PPARGC1A: variants seen among roughly 807,000 people sequenced by gnomAD.
PPARGC1A encodes PPARG coactivator 1 alpha.
A neutral mutation model predicts 88.7 loss-of-function variants in PPARGC1A; 25 were observed. The observed-to-expected ratio is 0.28, with a 90% CI of 0.21 to 0.39. PPARGC1A has a LOEUF of 0.39. PPARGC1A is among the 10% of genes least tolerant of loss of function. The pLI, the probability that PPARGC1A is intolerant of heterozygous loss-of-function variation, is 1.00. For missense variants in PPARGC1A, 880 were observed against 968.7 expected (o/e 0.91, Z 1.22); for synonymous variants, 363 against 355.6 (o/e 1.02, Z -0.24).
the PPARGC1A span, among the ~76,000 whole-genome samples, chr4:24,075,685 A>G: frequency 2.0e-5 from 3 of 152,188 alleles, no homozygotes; most frequent in East Asian, 5.8e-4. Context: ...ATGGTTTTAT[A>G]AAAGGGAATT....
At chr4:24,215,756 G>T in the PPARGC1A span, among the ~76,000 whole-genome samples, 2 of 152,136 alleles carry the variant, frequency 1.3e-5, no homozygotes, top group Non-Finnish European at 2.9e-5. Context: ...GCTGTAGTGG[G>T]GAGATATCCA....
chr4:24,069,058 T>C, the PPARGC1A span, among the ~76,000 whole-genome samples: 3 of 152,350 alleles, frequency 2.0e-5, no homozygotes, highest in African/African-American at 7.2e-5. Context: ...ATTTAATATG[T>C]GCCACGTTAT....
At chr4:24,115,660 A>G in the PPARGC1A span, among the ~76,000 whole-genome samples, 2 of 152,202 alleles carry the variant, frequency 1.3e-5, no homozygotes, top group African/African-American at 4.8e-5. Context: ...TGAGAACTCC[A>G]TATGGCTACC....
chr4:24,294,715 A>G, the PPARGC1A span, among the ~76,000 whole-genome samples: 1 of 152,170 alleles, frequency 6.6e-6, no homozygotes. Flanking sequence ...TCCAATTTTA[A>G]TCTCTTCCTT....
At chr4:24,060,594 C>A in the PPARGC1A span, among the ~76,000 whole-genome samples, 1 of 152,270 alleles carries the variant, frequency 6.6e-6, no homozygotes, top group Non-Finnish European at 1.5e-5. Context: ...ATATTTAAGC[C>A]TTTCTAAGGT....
chr4:24,091,746 G>T, the PPARGC1A span: 1 of 561,446 alleles, frequency 1.8e-6, no homozygotes, highest in Non-Finnish European at 2.3e-6. Context: ...AACTGGCCAA[G>T]CTGAAGGCCA....
At chr4:24,068,004 G>A in the PPARGC1A span, among the ~76,000 whole-genome samples, 7 of 151,578 alleles carry the variant, frequency 4.6e-5, no homozygotes, top group Non-Finnish European at 8.9e-5. Context: ...GTGTGTGCTT[G>A]TGTGTGTGTG....
chr4:24,342,163 C>T, the PPARGC1A span, among the ~76,000 whole-genome samples: 2 of 152,052 alleles, frequency 1.3e-5, no homozygotes, highest in African/African-American at 2.4e-5. Context: ...CTTTTATGTG[C>T]CGTGAATAAA....
At chr4:24,278,607 T>C in the PPARGC1A span, among the ~76,000 whole-genome samples, 1 of 152,178 alleles carries the variant, frequency 6.6e-6, no homozygotes, top group Non-Finnish European at 1.5e-5. Context: ...TTTTTCATGA[T>C]TTTTGAAAAA....
At chr4:23,942,075 G>GAA in the PPARGC1A span, among the ~76,000 whole-genome samples, 135 of 148,408 alleles carry the variant, frequency 9.1e-4, no homozygotes, top group African/African-American at 3.2e-3. Context: ...AAGATAGTGG[G>GAA]AAAAAAAAAA....
chr4:24,109,300 C>T, the PPARGC1A span, among the ~76,000 whole-genome samples: 1 of 34,472 alleles, frequency 2.9e-5, no homozygotes, highest in East Asian at 1.2e-3. Flanking sequence ...TTTCATTATA[C>T]ACACACACAC....
chr4:24,282,069 TTGAA>T, the PPARGC1A span, among the ~76,000 whole-genome samples: 18,515 of 152,114 alleles, frequency 0.12, 1,461 homozygotes, highest in Non-Finnish European at 0.17. Context: ...TAAACATTTT[TTGAA>T]TGAATGAAAG....
the PPARGC1A span, among the ~76,000 whole-genome samples, chr4:23,979,561 G>A: frequency 6.6e-6 from 1 of 152,144 alleles, no homozygotes; most frequent in South Asian, 2.1e-4. Flanking sequence ...GATCCTGAGA[G>A]TCATGCCATT....
the PPARGC1A span, among the ~76,000 whole-genome samples, chr4:24,398,188 GA>G: frequency 6.6e-6 from 1 of 151,790 alleles, no homozygotes; most frequent in African/African-American, 2.4e-5. Context: ...TTATTATATA[GA>G]AAAAAAGATA....
At chr4:23,895,962 GTGTGTGTGTGTGTGTGTGTATA>G (rs1300420850) in intron 1 of PPARGC1A, among the ~76,000 whole-genome samples, 28 of 52,468 alleles carry the variant, frequency 5.3e-4, no homozygotes, top group African/African-American at 4.5e-3. Flanking sequence ...GTGTGTGTGT[GTGTGTGTGTGTGTGTGTGTATA>G]TATATATACA....
At chr4:24,212,797 C>T in the PPARGC1A span, among the ~76,000 whole-genome samples, 2 of 152,194 alleles carry the variant, frequency 1.3e-5, no homozygotes, top group East Asian at 1.9e-4. Context: ...GCAGCCCACA[C>T]GTATCCTCCT....
the PPARGC1A span, among the ~76,000 whole-genome samples, chr4:24,244,513 A>G: frequency 0.42 from 64,211 of 151,942 alleles, 13,895 homozygotes; most frequent in Non-Finnish European, 0.45. Context: ...AAGTGTTGGA[A>G]CCAGGATTCA....
intron 3 of PPARGC1A, 158 bp from the exon 4 acceptor site, chr4:23,829,743 A>G (rs1177323485): frequency 3.3e-6 from 2 of 606,802 alleles, no homozygotes; most frequent in African/African-American, 3.8e-5. Flanking sequence ...GTGCTACAGG[A>G]AATATGATAT....
At chr4:23,974,096 C>A in the PPARGC1A span, among the ~76,000 whole-genome samples, 8 of 152,050 alleles carry the variant, frequency 5.3e-5, no homozygotes, top group East Asian at 1.5e-3. Context: ...AGAACGGGCC[C>A]AAGTATTAGT....
Sources: gnomAD v4.1 joint callset for allele counts (sites outside exome capture counted in the v4.1 genomes callset) on GRCh38, gnomAD v4.1.1 for gene constraint, MANE v1.5 for transcripts, NCBI Gene and HGNC (gene_info 2026-07-23, HGNC 2026-07-21) for gene names.